SLC16A12: variants seen among roughly 807,000 people sequenced by gnomAD.
SLC16A12 encodes solute carrier family 16 member 12, also known as monocarboxylate transporter 12.
Under a neutral mutation model 42.4 loss-of-function variants are expected in SLC16A12, and 17 were observed. The observed-to-expected ratio is 0.40, with a 90% CI of 0.27 to 0.60. The LOEUF (loss-of-function observed/expected upper bound fraction) is 0.60, where lower values mean the gene tolerates loss of function less well. SLC16A12 is among the 20% of genes least tolerant of loss of function. The pLI is 0.42. For synonymous variants in SLC16A12, 224 were observed against 229.4 expected (o/e 0.98, Z 0.21); for missense variants, 544 against 623.0 (o/e 0.87, Z 1.35).
chr10:89,458,926 T>C (rs997363849), intron 3 of SLC16A12, among the ~76,000 whole-genome samples: 6 of 152,158 alleles, frequency 3.9e-5, no homozygotes, highest in African/African-American at 1.2e-4. Flanking sequence ...TGGAAAAAAA[T>C]TGTGCAAGTA....
intron 3 of SLC16A12, among the ~76,000 whole-genome samples, chr10:89,460,521 C>T (rs890354385): frequency 6.6e-6 from 1 of 151,890 alleles, no homozygotes; most frequent in East Asian, 1.9e-4. Context: ...GTCAAGAGTT[C>T]GAGACCAGCC....
chr10:89,498,288 T>C (rs1399574901), intron 2 of SLC16A12, among the ~76,000 whole-genome samples: 1 of 152,118 alleles, frequency 6.6e-6, no homozygotes, highest in Non-Finnish European at 1.5e-5. Context: ...GCCCCGATCA[T>C]GCCACTGCAC....
chr10:89,467,924 C>T (rs1387951954), intron 2 of SLC16A12: 1 of 152,002 alleles, frequency 6.6e-6, no homozygotes, highest in Non-Finnish European at 1.5e-5. Flanking sequence ...GCAACAAGCC[C>T]CTGGCAAAAT....
At chr10:89,553,408 G>T (rs548179850) in intron 2 of SLC16A12, among the ~76,000 whole-genome samples, 5 of 152,124 alleles carry the variant, frequency 3.3e-5, no homozygotes, top group Non-Finnish European at 5.9e-5. Context: ...TAAATCACAG[G>T]CTATTAAATC....
At chr10:89,546,468 C>A (rs1454271210) in intron 2 of SLC16A12, among the ~76,000 whole-genome samples, 2 of 152,160 alleles carry the variant, frequency 1.3e-5, no homozygotes, top group African/African-American at 2.4e-5. Flanking sequence ...AAATGCAAAT[C>A]AAAACCACAA....
intron 2 of SLC16A12, among the ~76,000 whole-genome samples, chr10:89,474,371 C>T (rs1249503446): frequency 6.6e-6 from 1 of 152,112 alleles, no homozygotes; most frequent in East Asian, 1.9e-4. Context: ...CTGCCTGGTT[C>T]AGAATAAGAG....
At chr10:89,553,506 G>A (rs1346450960) in intron 2 of SLC16A12, among the ~76,000 whole-genome samples, 5 of 152,164 alleles carry the variant, frequency 3.3e-5, no homozygotes, top group African/African-American at 1.2e-4. Context: ...TAGTTCGCAG[G>A]CATTTTCTCC....
intron 2 of SLC16A12, among the ~76,000 whole-genome samples, chr10:89,521,397 T>C (rs1843353017): frequency 6.6e-6 from 1 of 152,234 alleles, no homozygotes; most frequent in Admixed American, 6.5e-5. Context: ...ATGTGGGGCT[T>C]TCTAAGCTTA....
chr10:89,481,311 C>G (rs1292492357), intron 2 of SLC16A12, among the ~76,000 whole-genome samples: 3 of 152,014 alleles, frequency 2.0e-5, no homozygotes, highest in African/African-American at 7.2e-5. Flanking sequence ...GTAATAAAAC[C>G]ACTTGTACAT....
In SLC16A12 at chr10:89,431,083, C is replaced by T. The variant is rs1589653494; in HGVS notation, c.*1981G>A. On this transcript the variant is annotated 3_prime_UTR_variant, in exon 8 of 8. Transcript: ENST00000371790. ...CATGATTTTGGCTCACTGCAACCTC[C>T]ACCTCCTGGGTTCAAGCGATTGTCC... The T allele has an allele frequency of 4.8e-6, 1 of 209,370 alleles. No homozygotes were observed. The highest frequency in any genetic ancestry group is 1.6e-4 in the East Asian group (1 of 6,178). 13.0% of individuals were successfully genotyped at this position (209,370 alleles called of 1,614,324 possible).
At chr10:89,524,099 C>T (rs1003821720) in intron 2 of SLC16A12, among the ~76,000 whole-genome samples, 3 of 152,156 alleles carry the variant, frequency 2.0e-5, no homozygotes, top group African/African-American at 7.2e-5. Flanking sequence ...TTCTACCACG[C>T]ATTTCTACCA....
chr10:89,489,120 A>G (rs1444154410), intron 2 of SLC16A12, among the ~76,000 whole-genome samples: 1 of 152,206 alleles, frequency 6.6e-6, no homozygotes, highest in Non-Finnish European at 1.5e-5. Context: ...CGGCTCAATC[A>G]TTTAAATAAG....
chr10:89,536,000 C>G (rs1843654136), upstream of SLC16A12, among the ~76,000 whole-genome samples: 2 of 152,240 alleles, frequency 1.3e-5, no homozygotes, highest in Non-Finnish European at 2.9e-5. Context: ...CGGGGATCCG[C>G]TCTAAGTACT....
chr10:89,484,724 G>A (rs933094415), intron 2 of SLC16A12, among the ~76,000 whole-genome samples: 13 of 152,166 alleles, frequency 8.5e-5, no homozygotes, highest in African/African-American at 3.1e-4. Flanking sequence ...CGTTTTACTT[G>A]TGTGCAATAT....
chr10:89,539,662 G>A (rs892630429), upstream of SLC16A12, among the ~76,000 whole-genome samples: 9 of 152,290 alleles, frequency 5.9e-5, no homozygotes, highest in Admixed American at 2.6e-4. Context: ...GGAAGGTTGG[G>A]GGTTGAGGAT....
chr10:89,474,015 T>C (rs1386827116), intron 2 of SLC16A12, among the ~76,000 whole-genome samples: 1 of 152,168 alleles, frequency 6.6e-6, no homozygotes, highest in Admixed American at 6.5e-5. Flanking sequence ...TAAATTTCTT[T>C]CAACTCACTG....
Position 89,441,195 on chromosome 10 carries a change from C to T in SLC16A12, c.361G>A (p.Gly121Ser), listed in dbSNP as rs370201435. 1.9e-6 allele frequency: 3 copies of T among 1,613,818 alleles called. No homozygotes were observed. The highest frequency in any genetic ancestry group is 2.5e-6 in the Non-Finnish European group (3 of 1,179,914). The change falls in exon 5 of 8, where the codon GGT becomes AGT. Residue 121 changes from glycine (G) to serine (S), a missense_variant. Physicochemically the swap from Gly to Ser is moderately conservative, Grantham distance 56. Transcript: ENST00000371790. ...AGTCCAGTAGATGCAAGCAAGCCAC[C>T]CAGCATGATTCCCACTTGACAGGAT... is the stretch of plus-strand genomic sequence containing the variant. Reference protein sequence around the residue: ...HLSCQVGIMLGGLLASTGLIL... With the variant: ...HLSCQVGIMLSGLLASTGLIL...
At position 89,459,872 on chromosome 10, in the gene SLC16A12, C is replaced by T. The variant is rs1006157241; in HGVS notation, c.200+2507G>A. On this transcript the variant is annotated intron_variant, in intron 3 of 7. Transcript: ENST00000371790. Reference sequence around the variant, plus strand: ...AGGAGAATCACTTGAACCCGGGAGGCGGAGGTTGCAGTGAGCTGAGATCAC... The same window carrying T: ...AGGAGAATCACTTGAACCCGGGAGGTGGAGGTTGCAGTGAGCTGAGATCAC... Among the ~76,000 whole-genome samples, 7 of 152,258 alleles carry T rather than the reference C, an allele frequency of 4.6e-5. No homozygotes were observed. The East Asian group carries it at 7.7e-4, about 17-fold the overall frequency.
At chr10:89,511,716 A>C (rs2133839500) in intron 2 of SLC16A12, among the ~76,000 whole-genome samples, 1 of 152,270 alleles carries the variant, frequency 6.6e-6, no homozygotes, top group Non-Finnish European at 1.5e-5. Context: ...ATGTACCCCG[A>C]ACTTAAAGTA....
Sources: allele counts gnomAD v4.1 joint callset (sites outside exome capture counted in the v4.1 genomes callset), GRCh38; gene constraint gnomAD v4.1.1; transcripts MANE v1.5; gene names NCBI Gene and HGNC (gene_info 2026-07-23, HGNC 2026-07-21).